Variants in CRY2 observed in about 807,000 individuals in gnomAD.
The protein encoded by CRY2 is cryptochrome-2.
CRY2 carries 31 observed loss-of-function variants against 69.5 expected under a neutral mutation model. That is an observed-to-expected ratio of 0.45 (90% CI 0.34 to 0.60). The LOEUF (loss-of-function observed/expected upper bound fraction) is 0.60. Ranked by LOEUF, CRY2 falls within the 20% of genes least tolerant of loss-of-function variation. The pLI, the probability that CRY2 is intolerant of heterozygous loss-of-function variation, is 0.02. For missense variants in CRY2, 606 were observed against 797.8 expected (o/e 0.76, Z 2.90); for synonymous variants, 303 against 312.2 (o/e 0.97, Z 0.31).
chr11:45,857,158 A>T (rs1405767850), intron 2 of CRY2, among the ~76,000 whole-genome samples: 2 of 152,190 alleles, frequency 1.3e-5, no homozygotes, highest in African/African-American at 4.8e-5. Context: ...TTGTGCATAC[A>T]TGTACAAATC....
rs1415232075 is a variant in CRY2 at position 45,882,915 on chromosome 11, TC to T, written c.*2007del. On this transcript the variant is annotated 3_prime_UTR_variant, in exon 12 of 12. Coordinates refer to ENST00000616080, the MANE Select transcript of CRY2 (RefSeq NM_021117.5). ...ACCACCTCCGCCTACTTCTCCACCA[TC>T]CCTAGCATGTCAGCCCGTTCCCAGA... 2.5e-6 allele frequency: 1 copy of T among 393,554 alleles called. No individual in the cohort carries two copies. Among genetic ancestry groups the T allele is most frequent in the Non-Finnish European group, 4.5e-6 (1 of 223,532 alleles). 24.4% of individuals were successfully genotyped at this position (393,554 alleles called of 1,614,324 possible). A position where few individuals can be genotyped will look rare whatever the true frequency, so the allele number is the denominator to read the frequency against.
intron 11 of CRY2, among the ~76,000 whole-genome samples, chr11:45,873,229 G>A (rs1312109711): frequency 6.6e-6 from 1 of 152,158 alleles, no homozygotes; most frequent in African/African-American, 2.4e-5. Flanking sequence ...CATTAGATTG[G>A]AGGGTGATTT....
intron 6 of CRY2, among the ~76,000 whole-genome samples, chr11:45,868,386 C>T (rs2086348269): frequency 6.6e-6 from 1 of 152,216 alleles, no homozygotes; most frequent in Admixed American, 6.5e-5. Flanking sequence ...AGCTGTGTTA[C>T]CCAGGCTAGA....
rs763144663 is a variant in CRY2 at position 45,869,761 on chromosome 11, G to A, written c.1138G>A (p.Val380Met). The A allele has an allele frequency of 5.0e-6, 8 of 1,613,576 alleles. No homozygotes were observed. The highest frequency in any genetic ancestry group is 5.9e-6 in the Non-Finnish European group (7 of 1,179,794). ...GATCCACCACCTGGCCCGGCATGCC[G>A]TGGCCTGCTTCCTGACCCGCGGGGA... The part of the protein sequence containing the change: ...GWIHHLARHA[V>M]ACFLTRGDLW... Residue 380 changes from valine (V) to methionine (M), a missense_variant, in exon 7 of 12, where the codon GTG becomes ATG. Val to Met is a conservative substitution (Grantham distance 21, BLOSUM62 1). This residue lies in a region of CRY2 where 382 missense variants were observed against 508.9 expected (regional missense o/e 0.75). Transcript: ENST00000616080.
chr11:45,869,513 G>A lies in CRY2; in HGVS notation c.890G>A (p.Arg297Gln), dbSNP rs772127161. 27 of 1,606,228 alleles carry A rather than the reference G, an allele frequency of 1.7e-5. No homozygotes were observed. The highest frequency in any genetic ancestry group is 8.9e-5 in the East Asian group (4 of 44,704). ...GCCACCCCTACCTCTCAGGTGAAGC[G>A]GAACAGCACACCTCCCCTCTCCCTA... is the stretch of plus-strand genomic sequence containing the variant. Reference protein sequence around the residue: ...RLWDLYKKVKRNSTPPLSLFG... With the variant: ...RLWDLYKKVKQNSTPPLSLFG... The change falls in exon 7 of 12, where the codon CGG (arginine) becomes CAG (glutamine). Residue 297 changes from arginine (R) to glutamine (Q), a missense_variant. By Grantham distance (43) the Arg-to-Gln change is conservative (BLOSUM62 1). Around this residue, in one of 5 missense-constraint regions of CRY2, gnomAD observed 382 missense variants for 508.9 expected, o/e 0.75. Transcript: ENST00000616080.
At chr11:45,879,540 T>A (rs10838526) in intron 11 of CRY2, among the ~76,000 whole-genome samples, 29,478 of 152,228 alleles carry the variant, frequency 0.19, 3,139 homozygotes, top group Non-Finnish European at 0.24. Flanking sequence ...AGCAATACTA[T>A]CGTATAGAGA....
At chr11:45,851,029 CT>C (rs67641151) in intron 1 of CRY2, among the ~76,000 whole-genome samples, 96,324 of 145,076 alleles carry the variant, frequency 0.66, 35,019 homozygotes, top group Non-Finnish European at 0.83. Context: ...AGCCTCAGGA[CT>C]TTTTTTTTTT....
chr11:45,877,068 G>A (rs1464860383), intron 11 of CRY2, among the ~76,000 whole-genome samples: 3 of 152,160 alleles, frequency 2.0e-5, no homozygotes, highest in Non-Finnish European at 4.4e-5. Context: ...ATCCCCTAGC[G>A]CTTTCCCTGG....
chr11:45,880,132 ACCCACGGCAGG>A (rs967326150), intron 11 of CRY2, among the ~76,000 whole-genome samples: 2 of 152,166 alleles, frequency 1.3e-5, no homozygotes, highest in Non-Finnish European at 2.9e-5. Flanking sequence ...ATAGTACCTG[ACCCACGGCAGG>A]CTTAGTAAGC....
chr11:45,873,765 A>G (rs2086405046), intron 11 of CRY2, among the ~76,000 whole-genome samples: 1 of 152,248 alleles, frequency 6.6e-6, no homozygotes, highest in Admixed American at 6.5e-5. Context: ...TACAGACTAT[A>G]CAAGCTTAGC....
At chr11:45,861,262 G>T in intron 4 of CRY2, 1 of 511,992 alleles carries the variant, frequency 2.0e-6, no homozygotes, top group Non-Finnish European at 3.4e-6. Flanking sequence ...TTCTGTTTCT[G>T]GTTCTAGATC....
chr11:45,876,719 G>A (rs999571937), intron 11 of CRY2, among the ~76,000 whole-genome samples: 3 of 152,326 alleles, frequency 2.0e-5, no homozygotes, highest in East Asian at 1.9e-4. Context: ...GTAGATCATC[G>A]AGTAAAACCT....
intron 11 of CRY2, among the ~76,000 whole-genome samples, chr11:45,877,752 T>C (rs2086434886): frequency 6.6e-6 from 1 of 152,212 alleles, no homozygotes; most frequent in Non-Finnish European, 1.5e-5. Flanking sequence ...AGACCTCATT[T>C]GATTTCCCCA....
At chr11:45,848,407 A>T (rs2086169565) in intron 1 of CRY2, among the ~76,000 whole-genome samples, 1 of 152,180 alleles carries the variant, frequency 6.6e-6, no homozygotes, top group African/African-American at 2.4e-5. Context: ...TGACCTCGAT[A>T]GAAAAATTTA....
intron 1 of CRY2, among the ~76,000 whole-genome samples, chr11:45,854,196 G>A (rs913961116): frequency 2.6e-5 from 4 of 152,216 alleles, no homozygotes; most frequent in Non-Finnish European, 5.9e-5. Flanking sequence ...GGAGACCCAA[G>A]GGGTAGATAG....
At chr11:45,867,435 C>G (rs2086339688) in intron 5 of CRY2, 177 bp from the exon 6 acceptor site, 2 of 685,756 alleles carry the variant, frequency 2.9e-6, no homozygotes, top group South Asian at 2.0e-5. Context: ...GACATAGACT[C>G]GTTGTTTGGT....
Position 45,870,386 on chromosome 11 carries a change from A to G in CRY2, c.1403A>G (p.Asn468Ser), listed in dbSNP as rs781734477. ...FPSRYIYEPW[N>S]APESIQKAAK... ...TCTCGATACATCTATGAGCCCTGGA[A>G]TGCCCCAGAGTCAATTCAGAAGGCA... Residue 468 changes from asparagine (N) to serine (S), a missense_variant, in exon 9 of 12, where the codon AAT becomes AGT. Asn to Ser is a conservative substitution (Grantham distance 46, BLOSUM62 1). Around this residue, in one of 5 missense-constraint regions of CRY2, gnomAD observed 173 missense variants for 213.7 expected, o/e 0.81. Coordinates refer to ENST00000616080, the MANE Select transcript of CRY2 (RefSeq NM_021117.5). 15 of 1,614,254 alleles carry G rather than the reference A, an allele frequency of 9.3e-6. No individual in the cohort carries two copies. The highest frequency in any genetic ancestry group is 3.3e-4 in the Middle Eastern group (2 of 6,062).
chr11:45,880,257 A>G (rs2086460893), intron 11 of CRY2, among the ~76,000 whole-genome samples: 2 of 152,192 alleles, frequency 1.3e-5, no homozygotes, highest in Non-Finnish European at 2.9e-5. Flanking sequence ...TTAAACAGAC[A>G]ACTCAGCATT....
At chr11:45,848,638 A>G (rs1248859828) in intron 1 of CRY2, among the ~76,000 whole-genome samples, 1 of 152,216 alleles carries the variant, frequency 6.6e-6, no homozygotes, top group South Asian at 2.1e-4. Context: ...ACAGTATTCA[A>G]ACTAAAGAGT....
Sources: gnomAD v4.1 joint callset for allele counts (sites outside exome capture counted in the v4.1 genomes callset) on GRCh38, gnomAD v4.1.1 for gene constraint, gnomAD v4.1.1 regional missense constraint, MANE v1.5 for transcripts, NCBI Gene and HGNC (gene_info 2026-07-23, HGNC 2026-07-21) for gene names.